The following RFTN1 variants were observed in gnomAD, a reference collection of about 807,000 sequenced individuals.
The protein encoded by RFTN1 is raftlin, lipid raft linker 1.
A neutral mutation model predicts 46.5 loss-of-function variants in RFTN1; 26 were observed. The observed-to-expected ratio is 0.56, with a 90% CI of 0.41 to 0.78. The LOEUF (loss-of-function observed/expected upper bound fraction) is 0.78, where lower values mean the gene tolerates loss of function less well. RFTN1 is among the 30% of genes least tolerant of loss of function. The probability of loss-of-function intolerance (pLI) is 0.00; values close to 1 mark genes in which losing one functional copy is unlikely to be tolerated. For missense variants in RFTN1, 693 were observed against 718.7 expected (o/e 0.96, Z 0.41); for synonymous variants, 261 against 284.2 (o/e 0.92, Z 0.82).
rs111650297 is a variant in RFTN1 at position 16,342,233 on chromosome 3, C to T, written c.1147-15357G>A. Among the ~76,000 whole-genome samples, 1 of 151,900 alleles carries T rather than the reference C, an allele frequency of 6.6e-6. No homozygotes were observed. The highest frequency in any genetic ancestry group is 2.4e-5 in the African/African-American group (1 of 41,350). ...CACCCACCCCGAGGCAACCACGAGT[C>T]CACTTTTTGTCTCTATGCACTTGCC... On this transcript the variant is annotated intron_variant, in intron 7 of 9. Transcript: ENST00000334133. This position sits in a 1 kb window ranked among gnomAD's most constrained non-coding sequence, Gnocchi z 4.0.
chr3:16,377,653 G>A, intron 5 of RFTN1, 65 bp downstream of exon 5: 1 of 1,516,996 alleles, frequency 6.6e-7, no homozygotes, highest in Non-Finnish European at 8.8e-7. Context: ...GATACCATGG[G>A]GATTAATGAA....
chr3:16,468,599 C>T lies in RFTN1; in HGVS notation c.145+25126G>A, dbSNP rs976335143. On this transcript the variant is annotated intron_variant, in intron 2 of 9. Transcript: ENST00000334133. This position sits in a 1 kb window ranked among gnomAD's most constrained non-coding sequence, Gnocchi z 4.4. ...TGATGGAGTAGCGGGGAGAGGCTGACGCATTTCCTCACGTACAACCCAGCG... is the reference window on the plus strand; with the variant it reads ...TGATGGAGTAGCGGGGAGAGGCTGATGCATTTCCTCACGTACAACCCAGCG... Among the ~76,000 whole-genome samples the T allele has an allele frequency of 3.4e-5, 5 of 146,370 alleles. No individual in the cohort carries two copies. Among genetic ancestry groups the T allele is most frequent in the Non-Finnish European group, 7.4e-5 (5 of 67,412 alleles).
At position 16,387,907 on chromosome 3, in the gene RFTN1, TCAC is replaced by T. The variant is rs1026160527; in HGVS notation, c.442-9808_442-9806del. Among the ~76,000 whole-genome samples the T allele has an allele frequency of 2.0e-5, 3 of 152,168 alleles. No individual in the cohort carries two copies. The highest frequency in any genetic ancestry group is 1.9e-4 in the East Asian group (1 of 5,186). ...CTCCTGGAGATGCTCTTCCTTGGCC[TCAC>T]CACCACCTTTCTGCTGGTTTTCTTC... On this transcript the variant is annotated intron_variant, in intron 4 of 9. Transcript: ENST00000334133. This position sits in a 1 kb window ranked among gnomAD's most constrained non-coding sequence, Gnocchi z 5.2.
chr3:16,496,081 A>T (rs1245744443), intron 1 of RFTN1, among the ~76,000 whole-genome samples: 1 of 152,256 alleles, frequency 6.6e-6, no homozygotes, highest in Non-Finnish European at 1.5e-5. Context: ...CACATTAAAG[A>T]GTGAAAAGGC....
In RFTN1 at chr3:16,481,310, A is replaced by G. The variant is rs2076363285; in HGVS notation, c.145+12415T>C. 6.6e-6 allele frequency among the ~76,000 whole-genome samples: 1 copy of G among 152,176 alleles called. No homozygotes were observed. The highest frequency in any genetic ancestry group is 1.5e-5 in the Non-Finnish European group (1 of 68,044). ...AAAAACTTAAAGCTACGTCACACAT[A>G]TTATCTCATTTATCTTTTGAAAATC... is the stretch of plus-strand genomic sequence containing the variant. On this transcript the variant is annotated intron_variant, in intron 2 of 9. Transcript: ENST00000334133. The surrounding 1 kb of genome is among the most constrained non-coding windows in gnomAD (Gnocchi z 5.1).
rs754201420 is a variant in RFTN1 at position 16,385,363 on chromosome 3, C to G, written c.442-7261G>C. On this transcript the variant is annotated intron_variant, in intron 4 of 9. Transcript: ENST00000334133. The surrounding 1 kb of genome is among the most constrained non-coding windows in gnomAD (Gnocchi z 5.0). ...TGCAGAAATTGGAAGCTTTGCCAGG[C>G]GCTGCTGGATGTTTAGCTCCGTTTT... 6.6e-6 allele frequency among the ~76,000 whole-genome samples: 1 copy of G among 152,132 alleles called. No homozygotes were observed. Among genetic ancestry groups the G allele is most frequent in the African/African-American group, 2.4e-5 (1 of 41,424 alleles).
intron 2 of RFTN1, among the ~76,000 whole-genome samples, chr3:16,488,078 A>T (rs1309873715): frequency 6.6e-6 from 1 of 150,870 alleles, no homozygotes; most frequent in Admixed American, 6.6e-5. Context: ...GACAAACTCA[A>T]CAGTGTTAAC....
chr3:16,510,662 T>A (rs1220520712), intron 1 of RFTN1, among the ~76,000 whole-genome samples: 1 of 152,234 alleles, frequency 6.6e-6, no homozygotes, highest in Admixed American at 6.5e-5. Flanking sequence ...CATACTTGTA[T>A]TCTTTGCTGG....
intron 2 of RFTN1, among the ~76,000 whole-genome samples, chr3:16,467,232 T>C (rs1053757749): frequency 8.5e-5 from 13 of 152,126 alleles, no homozygotes; most frequent in Non-Finnish European, 1.3e-4. Flanking sequence ...CAAGTGGATA[T>C]GATGGCATTG....
chr3:16,424,878 T>C lies in RFTN1; in HGVS notation c.332+8973A>G, dbSNP rs1371106645. Reference sequence around the variant, plus strand: ...ATCTAAAAGTGTAAAACTCAATGACTAGTCTCATCCAGGACCCATCACTGG... The same window carrying C: ...ATCTAAAAGTGTAAAACTCAATGACCAGTCTCATCCAGGACCCATCACTGG... On this transcript the variant is annotated intron_variant, in intron 3 of 9. Transcript: ENST00000334133. The surrounding 1 kb of genome is among the most constrained non-coding windows in gnomAD (Gnocchi z 4.7). 6.6e-6 allele frequency among the ~76,000 whole-genome samples: 1 copy of C among 152,166 alleles called. No homozygotes were observed. The highest frequency in any genetic ancestry group is 1.5e-5 in the Non-Finnish European group (1 of 68,032).
At chr3:16,393,767 T>C (rs1464286154) in intron 4 of RFTN1, among the ~76,000 whole-genome samples, 1 of 152,002 alleles carries the variant, frequency 6.6e-6, no homozygotes, top group Non-Finnish European at 1.5e-5. Flanking sequence ...CACTCCATTC[T>C]CCTGCCTCAG....
At position 16,409,413 on chromosome 3, in the gene RFTN1, G is replaced by A; in HGVS notation, c.403C>T (p.Pro135Ser). The A allele has an allele frequency of 1.2e-6, 2 of 1,613,520 alleles. No individual in the cohort carries two copies. Among genetic ancestry groups the A allele is most frequent in the Non-Finnish European group, 1.7e-6 (2 of 1,179,488 alleles). The part of the protein sequence containing the change: ...ELDCCSSLDH[P>S]TDQKLIPEFI... ...TCTGGGATGAGTTTCTGGTCTGTCGGGTGGTCTAAGGAGGAACAGCAATCT... is the reference window on the plus strand; with the variant it reads ...TCTGGGATGAGTTTCTGGTCTGTCGAGTGGTCTAAGGAGGAACAGCAATCT... The change falls in exon 4 of 10, where the codon CCG becomes TCG. Residue 135 changes from proline to serine, a missense_variant. Coordinates refer to ENST00000334133, the MANE Select transcript of RFTN1 (RefSeq NM_015150.2).
In RFTN1 at chr3:16,376,127, C is replaced by G. The variant is rs1410941018; in HGVS notation, c.826+1591G>C. Among the ~76,000 whole-genome samples, 1 of 152,152 alleles carries G rather than the reference C, an allele frequency of 6.6e-6. No individual in the cohort carries two copies. The highest frequency in any genetic ancestry group is 2.4e-5 in the African/African-American group (1 of 41,416). The stretch of plus-strand genomic sequence containing the variant: ...CCTCAATAGTAACTGCCTCCTTTCT[C>G]AAAGCCAGGATTCCATGAGAGGTGG... On this transcript the variant is annotated intron_variant, in intron 5 of 9. Coordinates refer to ENST00000334133, the MANE Select transcript of RFTN1 (RefSeq NM_015150.2). The surrounding 1 kb of genome is among the most constrained non-coding windows in gnomAD (Gnocchi z 4.7).
In RFTN1 at chr3:16,447,604, T is replaced by G. The variant is rs1183049536; in HGVS notation, c.146-13567A>C. The stretch of plus-strand genomic sequence containing the variant: ...GGCACATGCACATGTCCCTCCCAGC[T>G]GCCTTCTCAGGCATTCCAGTGAAAA... On this transcript the variant is annotated intron_variant, in intron 2 of 9. Coordinates refer to ENST00000334133, the MANE Select transcript of RFTN1 (RefSeq NM_015150.2). This position sits in a 1 kb window ranked among gnomAD's most constrained non-coding sequence, Gnocchi z 5.9. Among the ~76,000 whole-genome samples the G allele has an allele frequency of 2.0e-5, 3 of 152,238 alleles. No homozygotes were observed. Among genetic ancestry groups the G allele is most frequent in the Non-Finnish European group, 4.4e-5 (3 of 68,040 alleles).
At chr3:16,496,112 C>T (rs2076622481) in intron 1 of RFTN1, among the ~76,000 whole-genome samples, 1 of 152,232 alleles carries the variant, frequency 6.6e-6, no homozygotes, top group South Asian at 2.1e-4. Flanking sequence ...CTGAAATAAG[C>T]TATTTGCAAT....
intron 1 of RFTN1, among the ~76,000 whole-genome samples, chr3:16,508,844 CA>C (rs2076853254): frequency 6.6e-6 from 1 of 150,648 alleles, no homozygotes; most frequent in Non-Finnish European, 1.5e-5. Flanking sequence ...AAAAAAAAAA[CA>C]CCACAGAGCA....
In RFTN1 at chr3:16,449,570, A is replaced by G. The variant is rs2075790049; in HGVS notation, c.146-15533T>C. On this transcript the variant is annotated intron_variant, in intron 2 of 9. Transcript: ENST00000334133. The surrounding 1 kb of genome is among the most constrained non-coding windows in gnomAD (Gnocchi z 5.1). ...ATCATTGTTGTTATCACCATTATGC[A>G]TAACCCTAATCACTTCACACATTGT... is the stretch of plus-strand genomic sequence containing the variant. Among the ~76,000 whole-genome samples, 1 of 152,242 alleles carries G rather than the reference A, an allele frequency of 6.6e-6. No homozygotes were observed.
chr3:16,370,121 C>G lies in RFTN1; in HGVS notation c.985G>C (p.Gly329Arg), dbSNP rs756850706. 1 of 1,614,210 alleles carries G rather than the reference C, an allele frequency of 6.2e-7. No homozygotes were observed. The highest frequency in any genetic ancestry group is 1.1e-5 in the South Asian group (1 of 91,082). ...AAGACTGCGTTCACCAGCATGCCTCCTTTCCGGAAGTGGTCGCTCATGTGC... is the reference window on the plus strand; with the variant it reads ...AAGACTGCGTTCACCAGCATGCCTCGTTTCCGGAAGTGGTCGCTCATGTGC... ...LEHMSDHFRK[G>R]GMLVNAVFYL... Residue 329 changes from glycine (G) to arginine (R), a missense_variant, in exon 6 of 10, where the codon GGA (glycine) becomes CGA (arginine). Transcript: ENST00000334133. The surrounding 1 kb of genome is among the most constrained non-coding windows in gnomAD (Gnocchi z 5.5).
intron 5 of RFTN1, among the ~76,000 whole-genome samples, chr3:16,377,007 G>A (rs2073800589): frequency 6.6e-6 from 1 of 152,038 alleles, no homozygotes; most frequent in Non-Finnish European, 1.5e-5. Context: ...TACTTACATG[G>A]CTTATGTAAG....
Sources: gnomAD v4.1 joint callset for allele counts (sites outside exome capture counted in the v4.1 genomes callset) on GRCh38, gnomAD v4.1.1 for gene constraint, Gnocchi (gnomAD v3.1) non-coding constraint, MANE v1.5 for transcripts, NCBI Gene and HGNC (gene_info 2026-07-23, HGNC 2026-07-21) for gene names.